The following USP22 variants were observed in gnomAD, a reference collection of about 807,000 sequenced individuals.
USP22 encodes ubiquitin carboxyl-terminal hydrolase 22.
A neutral mutation model predicts 68.1 loss-of-function variants in USP22; 22 were observed. The observed-to-expected ratio is 0.32, with a 90% CI of 0.23 to 0.46. USP22 has a LOEUF of 0.46. Ranked by LOEUF, USP22 falls within the 20% of genes least tolerant of loss-of-function variation. USP22 has a pLI of 1.00. For missense variants in USP22, 433 were observed against 695.8 expected (o/e 0.62, Z 4.25); for synonymous variants, 279 against 274.2 (o/e 1.02, Z -0.17).
intron 6 of USP22, among the ~76,000 whole-genome samples, chr17:21,014,357 G>A (rs977943497): frequency 1.3e-5 from 2 of 152,224 alleles, no homozygotes; most frequent in Admixed American, 6.5e-5. Context: ...AAGGCTCTTC[G>A]TTATTCTCAC....
intron 7 of USP22, 121 bp downstream of exon 7, chr17:21,012,709 A>G: frequency 2.3e-6 from 2 of 887,160 alleles, no homozygotes; most frequent in South Asian, 3.4e-5. Flanking sequence ...GGCGTCTATT[A>G]ATCATTTATC....
chr17:21,042,269 G>A (rs1319937311), intron 1 of USP22: 1 of 159,770 alleles, frequency 6.3e-6, no homozygotes, highest in Non-Finnish European at 1.4e-5. Flanking sequence ...GGCTCCCCAG[G>A]CAGCAGGGCA....
At chr17:21,009,412 TCTG>T (rs1157906654) in intron 8 of USP22, among the ~76,000 whole-genome samples, 1 of 152,210 alleles carries the variant, frequency 6.6e-6, no homozygotes, top group Non-Finnish European at 1.5e-5. Flanking sequence ...AGCTTTGTGA[TCTG>T]CTCTCCAAAG....
chr17:21,018,318 C>G, intron 4 of USP22: 1 of 473,106 alleles, frequency 2.1e-6, no homozygotes, highest in South Asian at 3.6e-5. Flanking sequence ...ATGGACCCCT[C>G]CCACTTCAGC....
chr17:21,041,506 G>A (rs988792145), intron 1 of USP22, among the ~76,000 whole-genome samples: 7 of 152,164 alleles, frequency 4.6e-5, no homozygotes, highest in Admixed American at 1.3e-4. Flanking sequence ...GCTGAGGCAG[G>A]AGAATCGGCT....
At chr17:21,004,385 G>A (rs373175544) in intron 11 of USP22, 34 bp from the exon 12 acceptor site, 5 of 1,609,066 alleles carry the variant, frequency 3.1e-6, no homozygotes, top group African/African-American at 1.3e-5. Flanking sequence ...GAGGGCGCAG[G>A]TGACTTGATG....
Position 21,018,114 on chromosome 17 carries a change from G to A in USP22, c.521-3C>T. On this transcript the variant is annotated splice_region_variant and splice_polypyrimidine_tract_variant and intron_variant, in intron 4 of 12. Transcript: ENST00000261497. The stretch of plus-strand genomic sequence containing the variant: ...AAGGTTGATCAGCCCACGCAGACCT[G>A]GACACAAATCACCAGAGAGCAGGAG... 1.9e-6 allele frequency: 3 copies of A among 1,578,746 alleles called. No individual in the cohort carries two copies. The highest frequency in any genetic ancestry group is 1.2e-5 in the South Asian group (1 of 86,276).
Position 21,028,567 on chromosome 17 carries a change from A to G in USP22, c.279T>C (p.His93=). Residue 93 remains histidine, a synonymous_variant, in exon 2 of 13, where the codon CAT becomes CAC. Transcript: ENST00000261497. ...GCFTKKHIHE[H]AKAKRHNLAI... Reference sequence around the variant, plus strand: ...CCAGGTTGTGCCGCTTCGCCTTCGCATGCTCGTGAATATGCTTCTTTGTGA... The same window carrying G: ...CCAGGTTGTGCCGCTTCGCCTTCGCGTGCTCGTGAATATGCTTCTTTGTGA... 1 of 1,614,058 alleles carries G rather than the reference A, an allele frequency of 6.2e-7. No homozygotes were observed. Among genetic ancestry groups the G allele is most frequent in the South Asian group, 1.1e-5 (1 of 91,062 alleles).
intron 2 of USP22, among the ~76,000 whole-genome samples, chr17:21,026,035 G>A (rs1321156640): frequency 1.3e-5 from 2 of 152,204 alleles, no homozygotes; most frequent in East Asian, 1.9e-4. Context: ...CGAGGCAGGC[G>A]ATCACCAGAG....
intron 7 of USP22, 173 bp from the exon 8 acceptor site, chr17:21,011,482 T>C (rs1913969055): frequency 1.2e-6 from 1 of 817,368 alleles, no homozygotes; most frequent in Non-Finnish European, 1.9e-6. Context: ...CAACGTGTCC[T>C]GGCTCCCAAG....
At chr17:21,005,357 C>A (rs566184760) in intron 10 of USP22, among the ~76,000 whole-genome samples, 28 of 152,294 alleles carry the variant, frequency 1.8e-4, no homozygotes, top group Admixed American at 7.2e-4. Context: ...TGAAAGGGTA[C>A]GCTGAATCCA....
intron 8 of USP22, among the ~76,000 whole-genome samples, chr17:21,010,370 T>C (rs1262678487): frequency 6.6e-6 from 1 of 152,184 alleles, no homozygotes; most frequent in East Asian, 1.9e-4. Context: ...ATGCTACAGC[T>C]ACTTAAATAC....
chr17:21,022,169 A>T (rs1015447990), intron 2 of USP22, among the ~76,000 whole-genome samples: 7 of 152,304 alleles, frequency 4.6e-5, no homozygotes, highest in Admixed American at 6.5e-5. Context: ...AAGAAGAGAT[A>T]CATATGTATG....
chr17:21,012,688 T>G, intron 7 of USP22, 142 bp downstream of exon 7: 1 of 741,898 alleles, frequency 1.3e-6, no homozygotes, highest in Non-Finnish European at 2.2e-6. Flanking sequence ...CCCCACAACC[T>G]TCGCTCTCAT....
intron 2 of USP22, among the ~76,000 whole-genome samples, chr17:21,023,508 G>C (rs911105727): frequency 8.6e-5 from 13 of 151,910 alleles, no homozygotes; most frequent in Admixed American, 2.0e-4. Context: ...AGCCGGGTGT[G>C]GTGGTGTGTG....
In USP22 at chr17:21,002,993, T is replaced by C. The variant is rs1913644810; in HGVS notation, c.*38A>G. Reference sequence around the variant, plus strand: ...AGGATCACTTTGTGAGGCTTGCCAATGCATTGCCTTTGTTTTTCTGACCAG... The same window carrying C: ...AGGATCACTTTGTGAGGCTTGCCAACGCATTGCCTTTGTTTTTCTGACCAG... On this transcript the variant is annotated 3_prime_UTR_variant, in exon 13 of 13. Transcript: ENST00000261497. 1.9e-6 allele frequency: 3 copies of C among 1,611,506 alleles called. No homozygotes were observed. Among genetic ancestry groups the C allele is most frequent in the Non-Finnish European group, 2.5e-6 (3 of 1,178,832 alleles).
chr17:21,030,282 T>C (rs1447397981), intron 1 of USP22, among the ~76,000 whole-genome samples: 1 of 152,230 alleles, frequency 6.6e-6, no homozygotes, highest in Non-Finnish European at 1.5e-5. Context: ...CTGTACATGT[T>C]CAGTACTGAT....
At chr17:21,033,109 AAGC>A (rs1972313015) in intron 1 of USP22, among the ~76,000 whole-genome samples, 1 of 152,036 alleles carries the variant, frequency 6.6e-6, no homozygotes, top group Non-Finnish European at 1.5e-5. Flanking sequence ...GGCACTGTTT[AAGC>A]AGCCCAGCAC....
At position 21,002,276 on chromosome 17, in the gene USP22, C is replaced by G. The variant is rs1913610397; in HGVS notation, c.*755G>C. The G allele has an allele frequency of 6.6e-6, 1 of 152,208 alleles. No homozygotes were observed. The highest frequency in any genetic ancestry group is 2.4e-5 in the African/African-American group (1 of 41,448). 9.4% of individuals were successfully genotyped at this position (152,208 alleles called of 1,614,324 possible). On this transcript the variant is annotated 3_prime_UTR_variant, in exon 13 of 13. Transcript: ENST00000261497. Reference sequence around the variant, plus strand: ...TAAAAAGCAAGACTCGCTCTTGAGACTAAAGGAGAAGTTACCTAAATTTCT... The same window carrying G: ...TAAAAAGCAAGACTCGCTCTTGAGAGTAAAGGAGAAGTTACCTAAATTTCT...
Sources: gnomAD v4.1 joint callset for allele counts (sites outside exome capture counted in the v4.1 genomes callset) on GRCh38, gnomAD v4.1.1 for gene constraint, MANE v1.5 for transcripts, NCBI Gene and HGNC (gene_info 2026-07-23, HGNC 2026-07-21) for gene names.